SBF2: variants seen among roughly 807,000 people sequenced by gnomAD.
SBF2 encodes myotubularin-related protein 13.
A neutral mutation model predicts 225.2 loss-of-function variants in SBF2; 112 were observed. The observed-to-expected ratio is 0.50, with a 90% CI of 0.43 to 0.58. The LOEUF is 0.58. Among genes scored for constraint, SBF2 ranks in the 20% least tolerant of loss-of-function variants. The pLI is 0.00. For missense variants in SBF2, 1,996 were observed against 2,206.2 expected (o/e 0.90, Z 1.91); for synonymous variants, 763 against 773.3 (o/e 0.99, Z 0.22).
chr11:10,025,906 G>GCAA lies in SBF2; in HGVS notation c.619+2545_619+2546insTTG, dbSNP rs1949035962. Among the ~76,000 whole-genome samples, 5 of 152,230 alleles carry GCAA rather than the reference G, an allele frequency of 3.3e-5. No individual in the cohort carries two copies. In the South Asian group the frequency reaches 1.0e-3, roughly 32 times the overall value. On this transcript the variant is annotated intron_variant, in intron 6 of 39. Transcript: ENST00000256190. ...ATGAGCCACTGTGCCTGGTCTAGCGGATGTTCTTTATATTTGTGTATCTTT... is the reference window on the plus strand; with the variant it reads ...ATGAGCCACTGTGCCTGGTCTAGCGGCAAATGTTCTTTATATTTGTGTATCTTT...
intron 2 of SBF2, among the ~76,000 whole-genome samples, chr11:10,057,520 ACT>A (rs988892941): frequency 2.0e-5 from 3 of 151,802 alleles, no homozygotes; most frequent in Non-Finnish European, 2.9e-5. Flanking sequence ...CACAGCGCAA[ACT>A]CTCTATCCTG....
chr11:10,151,643 T>A (rs1042509849), intron 2 of SBF2, among the ~76,000 whole-genome samples: 4 of 152,358 alleles, frequency 2.6e-5, no homozygotes, highest in African/African-American at 7.2e-5. Context: ...AAGAAACTTT[T>A]AGATTTAGAA....
At chr11:9,958,579 C>T (rs1052385896) in intron 16 of SBF2, 4 of 198,292 alleles carry the variant, frequency 2.0e-5, no homozygotes, top group South Asian at 9.6e-5. Flanking sequence ...AGGATGGTCT[C>T]GATCTCCTGA....
chr11:9,829,339 G>T lies in SBF2; in HGVS notation c.3793+17C>A, dbSNP rs755950037. ...TCATTAGAAGCTGTCAAGAAGAAAA[G>T]TATTATCAAATCTTACCTGGAGATA... is the stretch of plus-strand genomic sequence containing the variant. On this transcript the variant is annotated intron_variant, in intron 28 of 39. Coordinates refer to ENST00000256190, the MANE Select transcript of SBF2 (RefSeq NM_030962.4). 34 of 1,613,530 alleles carry T rather than the reference G, an allele frequency of 2.1e-5. No individual in the cohort carries two copies. The highest frequency in any genetic ancestry group is 2.8e-5 in the Non-Finnish European group (33 of 1,179,606).
intron 38 of SBF2, 137 bp from the exon 39 acceptor site, chr11:9,781,775 T>A: frequency 2.0e-6 from 2 of 1,000,888 alleles, no homozygotes; most frequent in Non-Finnish European, 3.1e-6. Flanking sequence ...ACACAAAAAA[T>A]TAATTAATAA....
At chr11:9,908,701 G>T (rs530138549) in intron 16 of SBF2, among the ~76,000 whole-genome samples, 2 of 151,780 alleles carry the variant, frequency 1.3e-5, no homozygotes, top group South Asian at 4.2e-4. Flanking sequence ...TGTTGCTGTT[G>T]TTGTTGTTTT....
intron 2 of SBF2, among the ~76,000 whole-genome samples, chr11:10,108,574 G>C (rs1276768462): frequency 2.8e-5 from 4 of 143,880 alleles, no homozygotes; most frequent in South Asian, 2.2e-4. Flanking sequence ...GCCCAGGCTG[G>C]AGTGCAGTGG....
chr11:10,256,390 A>G (rs1349559417), intron 1 of SBF2, among the ~76,000 whole-genome samples: 2 of 152,196 alleles, frequency 1.3e-5, no homozygotes, highest in Non-Finnish European at 2.9e-5. Flanking sequence ...GATAAGATTG[A>G]TTTAATTCAT....
intron 1 of SBF2, among the ~76,000 whole-genome samples, chr11:10,203,622 A>T (rs1235595106): frequency 6.6e-6 from 1 of 151,066 alleles, no homozygotes; most frequent in Non-Finnish European, 1.5e-5. Flanking sequence ...TATGGGCCAC[A>T]AGGAGGACAA....
chr11:9,907,982 C>G (rs755002440), intron 16 of SBF2, among the ~76,000 whole-genome samples: 58 of 152,292 alleles, frequency 3.8e-4, no homozygotes, highest in Admixed American at 7.2e-4. Flanking sequence ...CCTGGATAGT[C>G]TTACTCCAGT....
intron 28 of SBF2, among the ~76,000 whole-genome samples, chr11:9,821,881 G>C (rs1394587544): frequency 6.6e-6 from 1 of 152,174 alleles, no homozygotes; most frequent in Non-Finnish European, 1.5e-5. Flanking sequence ...CTTACTGCGA[G>C]TCATGATCAA....
intron 2 of SBF2, among the ~76,000 whole-genome samples, chr11:10,179,032 A>G (rs1956605633): frequency 6.9e-6 from 1 of 145,614 alleles, no homozygotes; most frequent in Non-Finnish European, 1.5e-5. Context: ...TGATGAGTTC[A>G]TGTCCTTTGT....
At chr11:10,096,996 T>C (rs1952050193) in intron 2 of SBF2, among the ~76,000 whole-genome samples, 1 of 152,196 alleles carries the variant, frequency 6.6e-6, no homozygotes, top group African/African-American at 2.4e-5. Flanking sequence ...GAACCTACTA[T>C]TCTCATTGCT....
chr11:10,120,605 T>C (rs998729013), intron 2 of SBF2, among the ~76,000 whole-genome samples: 2 of 152,010 alleles, frequency 1.3e-5, no homozygotes, highest in Admixed American at 6.6e-5. Flanking sequence ...GTAACACTTG[T>C]TGTTTTCTGT....
chr11:9,980,291 A>C (rs1365806035), intron 13 of SBF2, among the ~76,000 whole-genome samples: 5 of 98,918 alleles, frequency 5.1e-5, no homozygotes, highest in African/African-American at 1.8e-4. Context: ...CTTGTAATTA[A>C]AAAAAAAAAA....
intron 1 of SBF2, among the ~76,000 whole-genome samples, chr11:10,247,508 C>T (rs1959921454): frequency 6.8e-6 from 1 of 147,770 alleles, no homozygotes; most frequent in African/African-American, 2.5e-5. Flanking sequence ...TGGTGAAACC[C>T]CATCTCTACT....
intron 1 of SBF2, among the ~76,000 whole-genome samples, chr11:10,214,411 C>A (rs1385105257): frequency 6.6e-6 from 1 of 152,168 alleles, no homozygotes; most frequent in Non-Finnish European, 1.5e-5. Context: ...ATCACAAGGT[C>A]AGGAGATCCA....
chr11:10,005,807 G>C (rs1294524347), intron 6 of SBF2, among the ~76,000 whole-genome samples: 2 of 152,124 alleles, frequency 1.3e-5, no homozygotes, highest in Non-Finnish European at 2.9e-5. Flanking sequence ...CCTGTACACA[G>C]TTTCGTTTGC....
intron 1 of SBF2, among the ~76,000 whole-genome samples, chr11:10,255,611 A>G (rs1471694337): frequency 6.6e-6 from 1 of 152,212 alleles, no homozygotes; most frequent in Admixed American, 6.5e-5. Context: ...CAGCTGCATC[A>G]ATATTTTAAT....
Sources: gnomAD v4.1 joint callset for allele counts (sites outside exome capture counted in the v4.1 genomes callset) on GRCh38, gnomAD v4.1.1 for gene constraint, MANE v1.5 for transcripts, NCBI Gene and HGNC (gene_info 2026-07-23, HGNC 2026-07-21) for gene names.